The following PDCD10 variants were observed in gnomAD, a reference collection of about 807,000 sequenced individuals.
PDCD10 encodes the protein programmed cell death 10, also known as programmed cell death protein 10.
A neutral mutation model predicts 29.2 loss-of-function variants in PDCD10; 4 were observed. The ratio of observed to expected loss-of-function variants is 0.14; its 90% confidence interval spans 0.07 to 0.31. The LOEUF is 0.31. Ranked by LOEUF, PDCD10 falls within the 10% of genes least tolerant of loss-of-function variation. The pLI is 1.00. For synonymous variants in PDCD10, 70 were observed against 82.2 expected (o/e 0.85, Z 0.80); for missense variants, 183 against 257.9 (o/e 0.71, Z 1.99).
intron 8 of PDCD10, among the ~76,000 whole-genome samples, chr3:167,686,647 C>T (rs2108371542): frequency 6.6e-6 from 1 of 152,240 alleles, no homozygotes; most frequent in Admixed American, 6.5e-5. Context: ...TAGGCTCCAT[C>T]CTAGACCTAC....
At chr3:167,707,619 A>G (rs1183924424) in intron 3 of PDCD10, among the ~76,000 whole-genome samples, 1 of 151,816 alleles carries the variant, frequency 6.6e-6, no homozygotes, top group Non-Finnish European at 1.5e-5. Context: ...CAGAGCTTGC[A>G]GTGAGCCGAG....
At chr3:167,691,741 T>G (rs935582026) in intron 6 of PDCD10, among the ~76,000 whole-genome samples, 3 of 152,202 alleles carry the variant, frequency 2.0e-5, no homozygotes, top group Admixed American at 6.5e-5. Flanking sequence ...AGAAACTCTA[T>G]TTTTCAATCT....
In PDCD10 at chr3:167,734,213, C is replaced by T. The variant is rs1256100103; in HGVS notation, c.-117+1G>A. ...AAAGCAGTAAAGGAGTAAAAACATA[C>T]CTTAGGTATGACACCTAAGAGGGTC... is the stretch of plus-strand genomic sequence containing the variant. On this transcript the variant is annotated splice_donor_variant, in intron 2 of 8. Coordinates refer to ENST00000392750, the MANE Select transcript of PDCD10 (RefSeq NM_007217.4). LOFTEE classifies it low-confidence loss of function (5UTR_SPLICE). 6.6e-6 allele frequency: 1 copy of T among 152,188 alleles called. No individual in the cohort carries two copies. The highest frequency in any genetic ancestry group is 2.4e-5 in the African/African-American group (1 of 41,418). 9.4% of individuals were successfully genotyped at this position (152,188 alleles called of 1,614,324 possible).
intron 6 of PDCD10, among the ~76,000 whole-genome samples, chr3:167,694,158 T>TA (rs35275827): frequency 1.9e-4 from 28 of 147,538 alleles, no homozygotes; most frequent in Admixed American, 2.7e-4. Context: ...TTCACCTCTT[T>TA]AAAAAAAAAA....
At chr3:167,716,130 C>G (rs1221574662) in intron 3 of PDCD10, among the ~76,000 whole-genome samples, 1 of 151,838 alleles carries the variant, frequency 6.6e-6, no homozygotes, top group Non-Finnish European at 1.5e-5. Context: ...ATGGCTGGAA[C>G]CAAGGTCATT....
At chr3:167,696,192 T>C (rs942578142) in intron 5 of PDCD10, among the ~76,000 whole-genome samples, 6 of 152,112 alleles carry the variant, frequency 3.9e-5, no homozygotes, top group Admixed American at 6.5e-5. Context: ...AAACCCCAAA[T>C]AATCTAATAA....
At chr3:167,691,943 T>A (rs1720287107) in intron 6 of PDCD10, among the ~76,000 whole-genome samples, 1 of 152,224 alleles carries the variant, frequency 6.6e-6, no homozygotes, top group African/African-American at 2.4e-5. Context: ...TGTAAAGTGA[T>A]TAAAATAGTG....
intron 3 of PDCD10, among the ~76,000 whole-genome samples, chr3:167,719,080 A>AC (rs11438360): frequency 0.29 from 43,484 of 151,698 alleles, 6,792 homozygotes; most frequent in African/African-American, 0.43. Context: ...ATTATAGAAT[A>AC]AAACTGTAAT....
chr3:167,714,630 AT>A (rs1432815479), intron 3 of PDCD10, among the ~76,000 whole-genome samples: 1 of 152,004 alleles, frequency 6.6e-6, no homozygotes, highest in Non-Finnish European at 1.5e-5. Flanking sequence ...AATCAGCAGC[AT>A]TTCTATATGC....
chr3:167,710,598 T>C (rs987981136), intron 3 of PDCD10, among the ~76,000 whole-genome samples: 1 of 152,218 alleles, frequency 6.6e-6, no homozygotes, highest in Non-Finnish European at 1.5e-5. Context: ...CCAGAGCACA[T>C]CTCCAGACCA....
At chr3:167,718,591 T>C (rs1031504267) in intron 3 of PDCD10, among the ~76,000 whole-genome samples, 8 of 151,990 alleles carry the variant, frequency 5.3e-5, no homozygotes, top group African/African-American at 1.7e-4. Flanking sequence ...AGAATTAAGT[T>C]CTTGACAAAA....
At chr3:167,725,760 C>T (rs6805980) in intron 2 of PDCD10, among the ~76,000 whole-genome samples, 30,090 of 91,414 alleles carry the variant, frequency 0.33, 4,601 homozygotes, top group African/African-American at 0.47. Context: ...ACCATTGTAT[C>T]GTTTATATAT....
chr3:167,725,729 G>A (rs1724046549), intron 2 of PDCD10, among the ~76,000 whole-genome samples: 1 of 127,380 alleles, frequency 7.9e-6, no homozygotes, highest in Non-Finnish European at 1.6e-5. Flanking sequence ...TCTTGTTAAT[G>A]GTAAGTGTAT....
intron 3 of PDCD10, among the ~76,000 whole-genome samples, chr3:167,708,949 CACT>C (rs924763729): frequency 3.2e-4 from 48 of 148,506 alleles, no homozygotes; most frequent in South Asian, 2.1e-4. Context: ...TGAAGTACAC[CACT>C]GTTTATCCCC....
intron 4 of PDCD10, among the ~76,000 whole-genome samples, chr3:167,698,530 C>T (rs757076619): frequency 2.0e-5 from 3 of 148,604 alleles, no homozygotes; most frequent in Non-Finnish European, 4.4e-5. Context: ...AATAAGACCT[C>T]GTATTAAAAA....
At chr3:167,694,208 C>A in intron 6 of PDCD10, 1 of 164,124 alleles carries the variant, frequency 6.1e-6, no homozygotes, top group Non-Finnish European at 1.3e-5. Flanking sequence ...GGAATTCCCT[C>A]CTTAAATGTT....
Position 167,697,130 on chromosome 3 carries a change from T to C in PDCD10, c.151-4A>G, listed in dbSNP as rs1354228616. ...GACCTGGATTTTCTTTTTCAGCCTATAATAAAGAGAAAACTAGTTTTGAAA... is the reference window on the plus strand; with the variant it reads ...GACCTGGATTTTCTTTTTCAGCCTACAATAAAGAGAAAACTAGTTTTGAAA... On this transcript the variant is annotated splice_region_variant and splice_polypyrimidine_tract_variant and intron_variant, in intron 4 of 8. Coordinates refer to ENST00000392750, the MANE Select transcript of PDCD10 (RefSeq NM_007217.4). The C allele has an allele frequency of 6.8e-7, 1 of 1,473,850 alleles. No individual in the cohort carries two copies. Among genetic ancestry groups the C allele is most frequent in the South Asian group, 1.1e-5 (1 of 88,092 alleles). 91.3% of individuals were successfully genotyped at this position (1,473,850 alleles called of 1,614,324 possible).
At chr3:167,731,460 C>CAT (rs1312225610) in intron 2 of PDCD10, among the ~76,000 whole-genome samples, 1 of 152,202 alleles carries the variant, frequency 6.6e-6, no homozygotes, top group Non-Finnish European at 1.5e-5. Context: ...GACTCCTTTA[C>CAT]ATATAACCTA....
chr3:167,696,121 C>T (rs1720784408), intron 5 of PDCD10, among the ~76,000 whole-genome samples: 1 of 151,896 alleles, frequency 6.6e-6, no homozygotes, highest in Non-Finnish European at 1.5e-5. Context: ...ATCTACTTGC[C>T]AACTGGAAAG....
Sources: allele counts gnomAD v4.1 joint callset (sites outside exome capture counted in the v4.1 genomes callset), GRCh38; gene constraint gnomAD v4.1.1; transcripts MANE v1.5; gene names NCBI Gene and HGNC (gene_info 2026-07-23, HGNC 2026-07-21).